The following C1orf21 variants were observed in gnomAD, a reference collection of about 807,000 sequenced individuals.
C1orf21 encodes the protein uncharacterized protein C1orf21.
In C1orf21, 3 loss-of-function variants were observed where a neutral mutation model predicts 18.7. The observed-to-expected ratio is 0.16, with a 90% CI of 0.07 to 0.42. The LOEUF (loss-of-function observed/expected upper bound fraction) is 0.42, where lower values mean the gene tolerates loss of function less well. Among genes scored for constraint, C1orf21 ranks in the 10% least tolerant of loss-of-function variants. The pLI is 0.99. For synonymous variants in C1orf21, 41 were observed against 46.4 expected (o/e 0.88, Z 0.47); for missense variants, 104 against 143.6 (o/e 0.72, Z 1.41).
chr1:184,520,901 C>CT lies in C1orf21; in HGVS notation c.189+13228dup, dbSNP rs917051891. On this transcript the variant is annotated intron_variant, in intron 3 of 5. Coordinates refer to ENST00000235307, the MANE Select transcript of C1orf21 (RefSeq NM_030806.4). ...TATAAATAGAAATACAGAAATATAACTTTTTTTTTGAGATGGAATCTCGCT... is the reference window on the plus strand; with the variant it reads ...TATAAATAGAAATACAGAAATATAACTTTTTTTTTTGAGATGGAATCTCGCT... Among the ~76,000 whole-genome samples the CT allele has an allele frequency of 1.3e-4, 19 of 151,648 alleles. 1 individual carries two copies. Among genetic ancestry groups the CT allele is most frequent in the East Asian group, 3.9e-4 (2 of 5,162 alleles).
At chr1:184,528,754 A>G (rs1658414886) in intron 3 of C1orf21, among the ~76,000 whole-genome samples, 1 of 152,260 alleles carries the variant, frequency 6.6e-6, no homozygotes, top group Non-Finnish European at 1.5e-5. Flanking sequence ...CATTGTGTTA[A>G]ATTTTAATGG....
chr1:184,556,066 C>T (rs988892949), intron 3 of C1orf21, among the ~76,000 whole-genome samples: 1 of 151,986 alleles, frequency 6.6e-6, no homozygotes, highest in African/African-American at 2.4e-5. Flanking sequence ...TCCCTCACCA[C>T]CCCCCCAACC....
intron 3 of C1orf21, chr1:184,566,607 G>A: frequency 2.6e-6 from 1 of 378,320 alleles, no homozygotes; most frequent in South Asian, 2.6e-5. Context: ...TCCCTGGTGT[G>A]CCATAAAACC....
At chr1:184,466,098 T>C (rs552079899) in intron 1 of C1orf21, among the ~76,000 whole-genome samples, 1 of 152,344 alleles carries the variant, frequency 6.6e-6, no homozygotes, top group South Asian at 2.1e-4. Flanking sequence ...CATTGGCTGA[T>C]TTAAAATAAT....
intron 3 of C1orf21, among the ~76,000 whole-genome samples, chr1:184,538,513 A>G (rs1426731806): frequency 1.3e-5 from 2 of 152,068 alleles, no homozygotes; most frequent in East Asian, 3.9e-4. Context: ...CTTTGGTGTC[A>G]TTGCCAATAA....
chr1:184,614,982 A>G (rs1184876940), intron 5 of C1orf21, among the ~76,000 whole-genome samples: 1 of 152,160 alleles, frequency 6.6e-6, no homozygotes, highest in Non-Finnish European at 1.5e-5. Context: ...GGCCTAGACT[A>G]TTTGTCTATT....
At chr1:184,423,553 G>T (rs1656582119) in intron 1 of C1orf21, among the ~76,000 whole-genome samples, 1 of 152,086 alleles carries the variant, frequency 6.6e-6, no homozygotes, top group Non-Finnish European at 1.5e-5. Context: ...AAAATATGTA[G>T]GATGAGTTAG....
intron 3 of C1orf21, among the ~76,000 whole-genome samples, chr1:184,517,836 A>G (rs937355178): frequency 2.0e-5 from 3 of 152,184 alleles, no homozygotes; most frequent in Admixed American, 2.0e-4. Context: ...ATTCATCCCC[A>G]AAGATCTCAT....
chr1:184,619,581 G>A lies in C1orf21; in HGVS notation c.*25G>A, dbSNP rs777041732. 6.2e-7 allele frequency: 1 copy of A among 1,610,584 alleles called. No individual in the cohort carries two copies. Among genetic ancestry groups the A allele is most frequent in the African/African-American group, 1.3e-5 (1 of 74,726 alleles). On this transcript the variant is annotated 3_prime_UTR_variant, in exon 6 of 6. Coordinates refer to ENST00000235307, the MANE Select transcript of C1orf21 (RefSeq NM_030806.4). ...GCACCAATTTTACCACTCAAACCAG[G>A]AGCTACTACTGTGTAAATAGGTTAC...
chr1:184,572,260 GA>G (rs1659122801), intron 3 of C1orf21, among the ~76,000 whole-genome samples: 1 of 152,188 alleles, frequency 6.6e-6, no homozygotes, highest in African/African-American at 2.4e-5. Flanking sequence ...CTCATGTAAG[GA>G]ACAAATTAAG....
intron 4 of C1orf21, among the ~76,000 whole-genome samples, chr1:184,591,880 A>G (rs995705142): frequency 6.6e-6 from 1 of 152,192 alleles, no homozygotes; most frequent in Non-Finnish European, 1.5e-5. Context: ...ACTATACATC[A>G]GTGAAAATTA....
intron 2 of C1orf21, among the ~76,000 whole-genome samples, chr1:184,488,626 T>A (rs974099752): frequency 2.0e-5 from 3 of 152,242 alleles, no homozygotes; most frequent in African/African-American, 7.2e-5. Flanking sequence ...ATTTATCTCT[T>A]CATATTAGAA....
intron 2 of C1orf21, among the ~76,000 whole-genome samples, chr1:184,481,969 A>T (rs1319707074): frequency 7.2e-5 from 11 of 152,250 alleles, no homozygotes; most frequent in African/African-American, 2.4e-4. Flanking sequence ...AAGGAGAAGA[A>T]GTTTTCAAAA....
At chr1:184,482,126 T>C (rs1280716663) in intron 2 of C1orf21, among the ~76,000 whole-genome samples, 1 of 152,158 alleles carries the variant, frequency 6.6e-6, no homozygotes, top group African/African-American at 2.4e-5. Context: ...TTATTATTCC[T>C]CACGATTCTG....
At chr1:184,567,061 G>GA (rs1239598807) in intron 3 of C1orf21, 2 of 494,374 alleles carry the variant, frequency 4.0e-6, no homozygotes, top group Non-Finnish European at 8.1e-6. Context: ...CTAACCATCT[G>GA]AAAAACATCC....
intron 2 of C1orf21, among the ~76,000 whole-genome samples, chr1:184,488,665 G>A (rs1190341827): frequency 6.6e-6 from 1 of 152,092 alleles, no homozygotes; most frequent in Non-Finnish European, 1.5e-5. Flanking sequence ...AAATTTAACT[G>A]TCAAATAAGA....
chr1:184,619,618 A>T lies in C1orf21; in HGVS notation c.*62A>T, dbSNP rs1659884610. The T allele has an allele frequency of 6.6e-7, 1 of 1,522,388 alleles. No homozygotes were observed. The highest frequency in any genetic ancestry group is 1.2e-5 in the South Asian group (1 of 85,480). 94.3% of individuals were successfully genotyped at this position (1,522,388 alleles called of 1,614,324 possible). Reference sequence around the variant, plus strand: ...TGTAAATAGGTTACACCCCAGTTGAAATCTTTGCAAAGGTCGGTTCTATTC... The same window carrying T: ...TGTAAATAGGTTACACCCCAGTTGATATCTTTGCAAAGGTCGGTTCTATTC... On this transcript the variant is annotated 3_prime_UTR_variant, in exon 6 of 6. Coordinates refer to ENST00000235307, the MANE Select transcript of C1orf21 (RefSeq NM_030806.4).
chr1:184,551,845 A>G (rs1246737470), intron 3 of C1orf21, among the ~76,000 whole-genome samples: 4 of 152,096 alleles, frequency 2.6e-5, no homozygotes, highest in Non-Finnish European at 5.9e-5. Context: ...CATCTCTACA[A>G]AAAATAAAAT....
At chr1:184,592,393 TA>T (rs35597883) in intron 4 of C1orf21, 6 of 152,234 alleles carry the variant, frequency 3.9e-5, no homozygotes, top group Non-Finnish European at 7.3e-5. Flanking sequence ...ATGTTTCATT[TA>T]AAAGGTCATT....
Sources: gnomAD v4.1 joint callset for allele counts (sites outside exome capture counted in the v4.1 genomes callset) on GRCh38, gnomAD v4.1.1 for gene constraint, MANE v1.5 for transcripts, NCBI Gene and HGNC (gene_info 2026-07-23, HGNC 2026-07-21) for gene names.